The following SEPTIN9 variants were observed in gnomAD, a reference collection of about 807,000 sequenced individuals.
SEPTIN9 encodes the protein septin-9.
In SEPTIN9, 13 loss-of-function variants were observed where a neutral mutation model predicts 56.6. The ratio of observed to expected loss-of-function variants is 0.23; its 90% CI spans 0.15 to 0.37. The LOEUF is 0.37. SEPTIN9 is among the 10% of genes least tolerant of loss of function. SEPTIN9 has a pLI of 1.00. For synonymous variants in SEPTIN9, 332 were observed against 334.1 expected, an observed-to-expected ratio of 0.99 and a Z score of 0.07; for missense variants, 650 against 823.1, an observed-to-expected ratio of 0.79 and a Z score of 2.57.
chr17:77,471,971 C>CA (rs59026605), intron 3 of SEPTIN9, among the ~76,000 whole-genome samples: 3,317 of 152,112 alleles, frequency 0.022, 129 homozygotes, highest in African/African-American at 0.076. Context: ...TAGCCCCCCC[C>CA]ACCACACACC....
intron 2 of SEPTIN9, chr17:77,373,374 C>G (rs920662169): frequency 2.5e-6 from 3 of 1,209,150 alleles, no homozygotes; most frequent in Admixed American, 9.1e-5. Flanking sequence ...GGGGCTCCTC[C>G]GGCGGCTAGC....
intron 3 of SEPTIN9, among the ~76,000 whole-genome samples, chr17:77,406,526 C>T (rs200923630): frequency 4.0e-5 from 6 of 151,790 alleles, no homozygotes; most frequent in East Asian, 3.9e-4. Flanking sequence ...GCAGGAAGTA[C>T]AGAAATGAGA....
intron 3 of SEPTIN9, among the ~76,000 whole-genome samples, chr17:77,467,690 C>T (rs769563015): frequency 9.8e-5 from 15 of 152,338 alleles, no homozygotes; most frequent in Non-Finnish European, 1.9e-4. Flanking sequence ...CATTCACAGG[C>T]GGCCACACAC....
chr17:77,426,003 AAC>A (rs2089250839), intron 3 of SEPTIN9, among the ~76,000 whole-genome samples: 1 of 151,996 alleles, frequency 6.6e-6, no homozygotes, highest in African/African-American at 2.4e-5. Context: ...ATAGGATCGG[AAC>A]AGTGGGTCAG....
At chr17:77,324,153 CCT>C (rs1054908454) in intron 2 of SEPTIN9, among the ~76,000 whole-genome samples, 30 of 152,342 alleles carry the variant, frequency 2.0e-4, no homozygotes, top group Admixed American at 1.4e-3. Context: ...TAAATCTCCC[CCT>C]GTCTGTCTCT....
chr17:77,447,645 G>T (rs778180209), intron 3 of SEPTIN9, among the ~76,000 whole-genome samples: 6 of 152,370 alleles, frequency 3.9e-5, no homozygotes, highest in Non-Finnish European at 8.8e-5. Context: ...TGTTTTTTGA[G>T]ACGAAGTCTC....
In SEPTIN9 at chr17:77,475,687, CG is replaced by C. The variant is rs1239139074; in HGVS notation, c.722-6453del. The C allele has an allele frequency of 5.6e-6, 9 of 1,613,622 alleles. No homozygotes were observed. In the East Asian group the frequency reaches 2.0e-4, roughly 36 times the overall value. On this transcript the variant is annotated intron_variant, in intron 3 of 11. Transcript: ENST00000427177. The surrounding 1 kb of genome is among the most constrained non-coding windows in gnomAD (Gnocchi z 4.6). ...GGAGACTGCTGGGCCCACGCTGGGC[CG>C]GGGTGGATGGAGGCAAGGAAGTCTT...
intron 10 of SEPTIN9, among the ~76,000 whole-genome samples, chr17:77,495,287 C>T (rs1048735935): frequency 5.3e-5 from 8 of 152,214 alleles, no homozygotes; most frequent in African/African-American, 1.9e-4. Flanking sequence ...TGGTGGGGCC[C>T]ACTTTCCAGC....
At chr17:77,479,960 G>A (rs1463140281) in intron 3 of SEPTIN9, among the ~76,000 whole-genome samples, 1 of 152,210 alleles carries the variant, frequency 6.6e-6, no homozygotes, top group Admixed American at 6.5e-5. Flanking sequence ...GCCAGATGCA[G>A]GGCTGTGTCT....
At chr17:77,352,401 C>T (rs1411262663) in intron 2 of SEPTIN9, among the ~76,000 whole-genome samples, 4 of 112,100 alleles carry the variant, frequency 3.6e-5, no homozygotes, top group Admixed American at 9.3e-5. Context: ...AGCAAGACTC[C>T]GTCTCAAAAA....
At chr17:77,370,944 T>A (rs1289766091) in intron 2 of SEPTIN9, among the ~76,000 whole-genome samples, 1 of 152,228 alleles carries the variant, frequency 6.6e-6, no homozygotes, top group African/African-American at 2.4e-5. Flanking sequence ...AAGGAGCAAC[T>A]GGATTGTCCT....
At chr17:77,382,174 C>T (rs549586937) in intron 2 of SEPTIN9, among the ~76,000 whole-genome samples, 8 of 152,204 alleles carry the variant, frequency 5.3e-5, no homozygotes, top group East Asian at 3.9e-4. Flanking sequence ...ACTCCAGGCA[C>T]GCACCACCAC....
rs747932707 is a variant in SEPTIN9, at chr17:77,318,065, A to G, written c.76+10868A>G. Reference sequence around the variant, plus strand: ...GACTCTGTCTCAATAAAATAAAATAAAATAAAATAATAAATATAATACACT... The same window carrying G: ...GACTCTGTCTCAATAAAATAAAATAGAATAAAATAATAAATATAATACACT... On this transcript the variant is annotated intron_variant, in intron 2 of 11. Coordinates refer to ENST00000427177, the MANE Select transcript of SEPTIN9 (RefSeq NM_001113491.2). This position sits in a 1 kb window ranked among gnomAD's most constrained non-coding sequence, Gnocchi z 4.9. Among the ~76,000 whole-genome samples the G allele has an allele frequency of 6.6e-5, 10 of 151,872 alleles. No individual in the cohort carries two copies. The highest frequency in any genetic ancestry group is 1.3e-4 in the Non-Finnish European group (9 of 67,954).
rs1012335814 is a variant in SEPTIN9 at position 77,329,931 on chromosome 17, C to T, written c.76+22734C>T. 4.6e-5 allele frequency among the ~76,000 whole-genome samples: 7 copies of T among 152,300 alleles called. No homozygotes were observed. The highest frequency in any genetic ancestry group is 2.1e-4 in the South Asian group (1 of 4,828). On this transcript the variant is annotated intron_variant, in intron 2 of 11. Coordinates refer to ENST00000427177, the MANE Select transcript of SEPTIN9 (RefSeq NM_001113491.2). The surrounding 1 kb of genome is among the most constrained non-coding windows in gnomAD (Gnocchi z 4.3). Reference sequence around the variant, plus strand: ...GAGGTCTCCAGACTTGGGGTGGCTTCGGACTGGCCAGGCAGGTGGGTGGGG... The same window carrying T: ...GAGGTCTCCAGACTTGGGGTGGCTTTGGACTGGCCAGGCAGGTGGGTGGGG...
At chr17:77,457,432 TA>T (rs1381308928) in intron 3 of SEPTIN9, among the ~76,000 whole-genome samples, 1 of 152,156 alleles carries the variant, frequency 6.6e-6, no homozygotes, top group African/African-American at 2.4e-5. Flanking sequence ...AGGGGTCAGA[TA>T]GGGGAACCCA....
At chr17:77,383,555 G>A (rs1312473336) in intron 2 of SEPTIN9, among the ~76,000 whole-genome samples, 1 of 152,230 alleles carries the variant, frequency 6.6e-6, no homozygotes, top group Non-Finnish European at 1.5e-5. Context: ...GGAGAGTGGG[G>A]ATGGCTGAGG....
Position 77,500,048 on chromosome 17 carries a change from C to G in SEPTIN9, c.*1390C>G. 1 of 235,060 alleles carries G rather than the reference C, an allele frequency of 4.3e-6. No individual in the cohort carries two copies. The highest frequency in any genetic ancestry group is 8.4e-6 in the Non-Finnish European group (1 of 119,442). 14.6% of individuals were successfully genotyped at this position (235,060 alleles called of 1,614,324 possible). ...TTCCTGCTTCCTGTTACCTGTCTTG[C>G]TCCTGGGGAGAAAGAGGGGCCTGAT... On this transcript the variant is annotated 3_prime_UTR_variant, in exon 12 of 12. Transcript: ENST00000427177.
At chr17:77,480,854 A>G (rs2039428259) in intron 3 of SEPTIN9, among the ~76,000 whole-genome samples, 1 of 152,194 alleles carries the variant, frequency 6.6e-6, no homozygotes, top group Admixed American at 6.5e-5. Context: ...CCCCGCAGGC[A>G]GAGCAGGGCC....
intron 1 of SEPTIN9, among the ~76,000 whole-genome samples, chr17:77,298,775 A>C (rs1208947056): frequency 1.3e-5 from 2 of 152,212 alleles, no homozygotes; most frequent in Non-Finnish European, 2.9e-5. Flanking sequence ...TTGGAACAAC[A>C]TGCAATCCAA....
Sources: allele counts gnomAD v4.1 joint callset (sites outside exome capture counted in the v4.1 genomes callset), GRCh38; gene constraint gnomAD v4.1.1; non-coding constraint Gnocchi (gnomAD v3.1); transcripts MANE v1.5; gene names NCBI Gene and HGNC (gene_info 2026-07-23, HGNC 2026-07-21).